ZNF131: variants seen among roughly 807,000 people sequenced by gnomAD.
ZNF131 encodes the protein zinc finger and BTB domain containing 35.
Under a neutral mutation model 60.0 loss-of-function variants are expected in ZNF131, and 7 were observed. The ratio of observed to expected loss-of-function variants is 0.12; its 90% CI spans 0.07 to 0.22. The LOEUF (loss-of-function observed/expected upper bound fraction) is 0.22. ZNF131 is among the 10% of genes least tolerant of loss of function. The pLI is 1.00. For missense variants in ZNF131, 493 were observed against 740.9 expected (o/e 0.67, Z 3.88); for synonymous variants, 257 against 253.2 (o/e 1.01, Z -0.14).
At chr5:43,154,565 A>T (rs1300718879) in intron 4 of ZNF131, among the ~76,000 whole-genome samples, 1 of 152,208 alleles carries the variant, frequency 6.6e-6, no homozygotes. Flanking sequence ...AGACAAGCAG[A>T]CCAAGTTGTA....
intron 5 of ZNF131, among the ~76,000 whole-genome samples, chr5:43,172,644 A>G (rs1294300465): frequency 6.6e-6 from 1 of 151,494 alleles, no homozygotes. Context: ...CCTAATTTAT[A>G]TATAAATCAC....
At chr5:43,154,557 A>G (rs1233926895) in intron 4 of ZNF131, among the ~76,000 whole-genome samples, 1 of 152,228 alleles carries the variant, frequency 6.6e-6, no homozygotes, top group Non-Finnish European at 1.5e-5. Context: ...TCACTATGAG[A>G]CAAGCAGACC....
At chr5:43,169,318 T>A (rs1049130675) in intron 5 of ZNF131, among the ~76,000 whole-genome samples, 1 of 152,102 alleles carries the variant, frequency 6.6e-6, no homozygotes, top group African/African-American at 2.4e-5. Flanking sequence ...TTTCTATTTC[T>A]ACATTTTACT....
In ZNF131 at chr5:43,145,937, G is replaced by A. The variant is rs138305507; in HGVS notation, c.371+6628G>A. On this transcript the variant is annotated intron_variant, in intron 4 of 6. Transcript: ENST00000682664. ...TTATACCATGAGTTGATCCTTAAGC[G>A]GAAAGTTATGGTAGAATTGGTATTG... Among the ~76,000 whole-genome samples the A allele has an allele frequency of 9.9e-5, 15 of 152,204 alleles. No individual in the cohort carries two copies. In the South Asian group the frequency reaches 1.5e-3, roughly 15 times the overall value.
chr5:43,131,348 A>T (rs1207619936), intron 3 of ZNF131, among the ~76,000 whole-genome samples: 13 of 146,692 alleles, frequency 8.9e-5, no homozygotes, highest in Non-Finnish European at 3.0e-5. Context: ...AATTTTTTGT[A>T]TTTTTAGGAG....
At chr5:43,151,280 G>C (rs2111741202) in intron 4 of ZNF131, among the ~76,000 whole-genome samples, 1 of 152,264 alleles carries the variant, frequency 6.6e-6, no homozygotes, top group East Asian at 1.9e-4. Context: ...GCATAAATAA[G>C]TCAGTTATTA....
intron 3 of ZNF131, among the ~76,000 whole-genome samples, chr5:43,132,613 C>T (rs1324508656): frequency 6.7e-6 from 1 of 149,424 alleles, no homozygotes; most frequent in Non-Finnish European, 1.5e-5. Context: ...TGGGTTCAAG[C>T]GACTCTCCTG....
chr5:43,159,298 A>G (rs956284193), intron 4 of ZNF131, among the ~76,000 whole-genome samples: 2 of 152,162 alleles, frequency 1.3e-5, no homozygotes, highest in African/African-American at 4.8e-5. Context: ...TCAGTTCACA[A>G]GATGTGAGGA....
chr5:43,159,569 C>T (rs1364917881), intron 4 of ZNF131, among the ~76,000 whole-genome samples: 1 of 151,908 alleles, frequency 6.6e-6, no homozygotes, highest in Non-Finnish European at 1.5e-5. Flanking sequence ...GTGGCAGGAG[C>T]CTGTAATCCC....
At chr5:43,143,451 C>T in intron 4 of ZNF131, 2 of 1,386,486 alleles carry the variant, frequency 1.4e-6, no homozygotes, top group Non-Finnish European at 1.9e-6. Flanking sequence ...TTATCATCTT[C>T]AACTACACGC....
intron 4 of ZNF131, among the ~76,000 whole-genome samples, chr5:43,158,539 C>G (rs969328876): frequency 1.3e-5 from 2 of 152,252 alleles, no homozygotes; most frequent in Non-Finnish European, 2.9e-5. Flanking sequence ...ATCCTCCCGC[C>G]TCAGCCTCCC....
intron 5 of ZNF131, among the ~76,000 whole-genome samples, chr5:43,163,636 A>G (rs1197942784): frequency 6.6e-6 from 1 of 152,226 alleles, no homozygotes; most frequent in Non-Finnish European, 1.5e-5. Context: ...AACGAATTGA[A>G]TCTTGGATAG....
chr5:43,151,344 C>T (rs1301222179), intron 4 of ZNF131, among the ~76,000 whole-genome samples: 1 of 152,146 alleles, frequency 6.6e-6, no homozygotes, highest in African/African-American at 2.4e-5. Flanking sequence ...TTAAATGAGA[C>T]CTCCACAGTC....
At chr5:43,161,189 CA>C (rs993551965) in intron 4 of ZNF131, 59 bp from the exon 5 acceptor site, 137 of 1,458,946 alleles carry the variant, frequency 9.4e-5, no homozygotes, top group Non-Finnish European at 1.2e-4. Flanking sequence ...TCAGTTTCTT[CA>C]AAAAAGCCTG....
intron 4 of ZNF131, among the ~76,000 whole-genome samples, chr5:43,148,229 A>G (rs1196936404): frequency 6.6e-6 from 1 of 152,058 alleles, no homozygotes; most frequent in East Asian, 1.9e-4. Flanking sequence ...AAAAATTTTA[A>G]CTAGCTATGT....
chr5:43,137,201 G>C (rs1746227124), intron 3 of ZNF131, among the ~76,000 whole-genome samples: 1 of 152,096 alleles, frequency 6.6e-6, no homozygotes, highest in Non-Finnish European at 1.5e-5. Flanking sequence ...CAGAAAATAA[G>C]ACAGGTGGGA....
At chr5:43,168,099 T>G (rs1750579428) in intron 5 of ZNF131, 1 of 365,704 alleles carries the variant, frequency 2.7e-6, no homozygotes, top group South Asian at 2.1e-5. Flanking sequence ...CCCATTCCCA[T>G]GATAACCCAT....
At chr5:43,130,254 A>G in intron 3 of ZNF131, among the ~76,000 whole-genome samples, 1 of 123,236 alleles carries the variant, frequency 8.1e-6, no homozygotes, top group East Asian at 2.2e-4. Flanking sequence ...ATAGAGTAAG[A>G]CTCTGTCTCC....
chr5:43,150,119 C>A (rs1440750081), intron 4 of ZNF131, among the ~76,000 whole-genome samples: 1 of 152,142 alleles, frequency 6.6e-6, no homozygotes, highest in African/African-American at 2.4e-5. Context: ...GTACCGTGCT[C>A]ACAGTTGTTT....
Sources: gnomAD v4.1 joint callset for allele counts (sites outside exome capture counted in the v4.1 genomes callset) on GRCh38, gnomAD v4.1.1 for gene constraint, MANE v1.5 for transcripts, NCBI Gene and HGNC (gene_info 2026-07-23, HGNC 2026-07-21) for gene names.